Variants in MYLK3 observed in about 807,000 individuals in gnomAD.
The protein encoded by MYLK3 is myosin light chain kinase 3, also known as MLC kinase.
A neutral mutation model predicts 76.3 loss-of-function variants in MYLK3; 55 were observed. The observed-to-expected ratio is 0.72, with a 90% CI of 0.58 to 0.90. The LOEUF (loss-of-function observed/expected upper bound fraction) is 0.90, where lower values mean the gene tolerates loss of function less well. MYLK3 is among the 40% of genes least tolerant of loss of function. The pLI is 0.00. For missense variants in MYLK3, 973 were observed against 1,053.6 expected (o/e 0.92, Z 1.06); for synonymous variants, 416 against 425.4 (o/e 0.98, Z 0.27).
chr16:46,731,980 C>T (rs897762822), intron 4 of MYLK3, among the ~76,000 whole-genome samples: 3 of 152,066 alleles, frequency 2.0e-5, no homozygotes, highest in East Asian at 1.9e-4. Context: ...CCAGGTGGGC[C>T]ACACGTGTCC....
At chr16:46,761,470 G>T (rs1327068798) in intron 1 of MYLK3, among the ~76,000 whole-genome samples, 1 of 152,056 alleles carries the variant, frequency 6.6e-6, no homozygotes, top group African/African-American at 2.4e-5. Flanking sequence ...GATGCTGGAG[G>T]TAAGTGTTTT....
chr16:46,716,375 A>C (rs1229993880), intron 9 of MYLK3, among the ~76,000 whole-genome samples: 1 of 151,706 alleles, frequency 6.6e-6, no homozygotes, highest in Non-Finnish European at 1.5e-5. Flanking sequence ...ATATATATGT[A>C]TATGTATATA....
chr16:46,747,232 C>A (rs911583918), intron 1 of MYLK3, among the ~76,000 whole-genome samples: 1 of 152,214 alleles, frequency 6.6e-6, no homozygotes, highest in African/African-American at 2.4e-5. Flanking sequence ...GGGTCACTGT[C>A]AACACTCGTC....
intron 1 of MYLK3, among the ~76,000 whole-genome samples, chr16:46,762,694 T>A (rs1967294692): frequency 6.6e-6 from 1 of 152,204 alleles, no homozygotes; most frequent in Non-Finnish European, 1.5e-5. Flanking sequence ...CCAGACTCCA[T>A]GTACAACTCA....
At chr16:46,720,242 C>T (rs1966785837) in intron 9 of MYLK3, among the ~76,000 whole-genome samples, 1 of 152,280 alleles carries the variant, frequency 6.6e-6, no homozygotes, top group Admixed American at 6.5e-5. Flanking sequence ...TAGACAGGGT[C>T]TAGCTCTACT....
At chr16:46,718,686 C>A (rs1444921923) in intron 9 of MYLK3, among the ~76,000 whole-genome samples, 1 of 152,238 alleles carries the variant, frequency 6.6e-6, no homozygotes, top group Non-Finnish European at 1.5e-5. Flanking sequence ...GCCATCAGGG[C>A]CAGGCGTGGT....
At chr16:46,740,472 G>T (rs1966910786) in intron 1 of MYLK3, among the ~76,000 whole-genome samples, 1 of 149,010 alleles carries the variant, frequency 6.7e-6, no homozygotes, top group African/African-American at 2.5e-5. Context: ...GACCCCAAAG[G>T]ACTTAGACTA....
chr16:46,753,984 A>G (rs1048763390), intron 1 of MYLK3, among the ~76,000 whole-genome samples: 2 of 152,354 alleles, frequency 1.3e-5, no homozygotes, highest in Middle Eastern at 3.4e-3. Flanking sequence ...TCTTTAAAAA[A>G]GGAGAGGATG....
In MYLK3 at chr16:46,705,855, C is replaced by A. The variant is rs996272602; in HGVS notation, c.*1849G>T. 1 of 151,754 alleles carries A rather than the reference C, an allele frequency of 6.6e-6. No individual in the cohort carries two copies. Among genetic ancestry groups the A allele is most frequent in the Non-Finnish European group, 1.5e-5 (1 of 68,026 alleles). The allele number at this position is 151,754 out of a possible 1,614,324, so 9.4% of individuals were successfully genotyped here. ...TACAAAAATTAGCTGGGTGTAGTAG[C>A]GGGCACCTATGGTCCCAGGTACTCA... On this transcript the variant is annotated 3_prime_UTR_variant, in exon 13 of 13. Coordinates refer to ENST00000394809, the MANE Select transcript of MYLK3 (RefSeq NM_182493.3).
intron 12 of MYLK3, 78 bp from the exon 13 acceptor site, chr16:46,707,841 G>T: frequency 9.6e-7 from 1 of 1,045,732 alleles, no homozygotes; most frequent in East Asian, 2.4e-5. Flanking sequence ...ACAATAAAAG[G>T]ATTTAAGTGA....
At position 46,737,647 on chromosome 16, in the gene MYLK3, C is replaced by T. The variant is rs184887475; in HGVS notation, c.1001+64G>A. 1,448 of 1,476,854 alleles carry T rather than the reference C, an allele frequency of 9.8e-4. 15 individuals carry two copies. The African/African-American group carries it at 0.018, about 19-fold the overall frequency. The allele number at this position is 1,476,854 out of a possible 1,614,324, so 91.5% of individuals were successfully genotyped here. A position where few individuals can be genotyped will look rare whatever the true frequency, so the allele number is the denominator to read the frequency against. ...GTATGCAGTGGATGCTGCCCACGGC[C>T]GAGCTCCAGCGAGGGGCCACAGTCC... On this transcript the variant is annotated intron_variant, in intron 3 of 12. Transcript: ENST00000394809.
intron 3 of MYLK3, among the ~76,000 whole-genome samples, chr16:46,737,484 C>T (rs1966874021): frequency 6.6e-6 from 1 of 152,360 alleles, no homozygotes; most frequent in Non-Finnish European, 1.5e-5. Context: ...ATTCAATCAA[C>T]ATCTCCAGGC....
In MYLK3 at chr16:46,747,935, G is replaced by C; in HGVS notation, c.259C>G (p.Gln87Glu). 1 of 1,613,510 alleles carries C rather than the reference G, an allele frequency of 6.2e-7. No individual in the cohort carries two copies. Among genetic ancestry groups the C allele is most frequent in the South Asian group, 1.1e-5 (1 of 91,062 alleles). ...TCCAGGACCTCGGGCCACCCAGCCTGGGTGTCAATGTGGGGAACCCCATCA... is the reference window on the plus strand; with the variant it reads ...TCCAGGACCTCGGGCCACCCAGCCTCGGTGTCAATGTGGGGAACCCCATCA... ...GADGVPHIDT[Q>E]AGWPEVLELV... Residue 87 changes from glutamine (Q) to glutamate (E), a missense_variant, in exon 1 of 13, where the codon CAG becomes GAG. Transcript: ENST00000394809.
At chr16:46,723,614 T>C (rs559364473) in intron 8 of MYLK3, among the ~76,000 whole-genome samples, 1 of 151,814 alleles carries the variant, frequency 6.6e-6, no homozygotes, top group South Asian at 2.1e-4. Flanking sequence ...ACCAGCAATG[T>C]ATGAGGGTTC....
upstream of MYLK3, among the ~76,000 whole-genome samples, chr16:46,751,413 GA>G (rs368382591): frequency 5.4e-5 from 8 of 146,864 alleles, no homozygotes; most frequent in South Asian, 4.4e-4. Context: ...TCTCAAAAAA[GA>G]AAAAAAAAAG....
At chr16:46,760,438 C>A (rs1362873371) in intron 1 of MYLK3, among the ~76,000 whole-genome samples, 1 of 152,232 alleles carries the variant, frequency 6.6e-6, no homozygotes, top group Non-Finnish European at 1.5e-5. Context: ...ATTTAATCCC[C>A]TTCACTGTGC....
intron 9 of MYLK3, among the ~76,000 whole-genome samples, chr16:46,717,848 C>T (rs777093782): frequency 3.3e-5 from 5 of 152,250 alleles, no homozygotes; most frequent in African/African-American, 7.2e-5. Flanking sequence ...CCCTGCCAAC[C>T]GCTCAGAAAA....
At chr16:46,727,645 G>A (rs1209267435) in intron 7 of MYLK3, among the ~76,000 whole-genome samples, 1 of 152,184 alleles carries the variant, frequency 6.6e-6, no homozygotes, top group Admixed American at 6.5e-5. Flanking sequence ...TCCTGCCTCA[G>A]CTTTCCAAGT....
chr16:46,740,450 C>T (rs1040327489), intron 1 of MYLK3, among the ~76,000 whole-genome samples: 1 of 149,240 alleles, frequency 6.7e-6, no homozygotes, highest in Admixed American at 6.7e-5. Flanking sequence ...ATACAGGGTT[C>T]AAAATAGGCT....
Sources: gnomAD v4.1 joint callset for allele counts (sites outside exome capture counted in the v4.1 genomes callset) on GRCh38, gnomAD v4.1.1 for gene constraint, MANE v1.5 for transcripts, NCBI Gene and HGNC (gene_info 2026-07-23, HGNC 2026-07-21) for gene names.